Variants in SAP30BP observed in about 807,000 individuals in gnomAD.
SAP30BP encodes the protein SAP30 binding protein.
In SAP30BP, 31 loss-of-function variants were observed where a neutral mutation model predicts 46.3. That is an observed-to-expected ratio of 0.67 (90% CI 0.50 to 0.90). The LOEUF is 0.90. Among genes scored for constraint, SAP30BP ranks in the 40% least tolerant of loss-of-function variants. The probability of loss-of-function intolerance (pLI) is 0.00; values close to 1 mark genes in which losing one functional copy is unlikely to be tolerated. For synonymous variants in SAP30BP, 169 were observed against 144.2 expected (o/e 1.17, Z -1.23); for missense variants, 312 against 391.0 (o/e 0.80, Z 1.70).
At chr17:75,671,384 G>A (rs1398872470) in intron 2 of SAP30BP, among the ~76,000 whole-genome samples, 2 of 152,176 alleles carry the variant, frequency 1.3e-5, no homozygotes, top group Non-Finnish European at 2.9e-5. Flanking sequence ...CGAGTCTGAT[G>A]TACATGTGTA....
intron 4 of SAP30BP, among the ~76,000 whole-genome samples, chr17:75,696,920 G>A (rs2060329902): frequency 6.6e-6 from 1 of 151,952 alleles, no homozygotes; most frequent in Non-Finnish European, 1.5e-5. Context: ...TGGGACTACA[G>A]GCGCCCACCA....
chr17:75,681,331 C>G (rs1032157890), intron 3 of SAP30BP, among the ~76,000 whole-genome samples: 3 of 152,198 alleles, frequency 2.0e-5, no homozygotes, highest in African/African-American at 7.2e-5. Context: ...TTAGCCTCCT[C>G]TGGAGGCCCA....
Position 75,667,393 on chromosome 17 carries a change from T to G in SAP30BP, c.21T>G (p.Val7=). 2 of 1,614,168 alleles carry G rather than the reference T, an allele frequency of 1.2e-6. No homozygotes were observed. Among genetic ancestry groups the G allele is most frequent in the Non-Finnish European group, 1.7e-6 (2 of 1,180,020 alleles). MAGKKN[V]LSSLAVYAED... ...ATAAGATGGCGGGGAAGAAGAATGT[T>G]CTGTCGTCTCTCGCAGTTTACGCGG... The change falls in exon 1 of 11, where the codon GTT becomes GTG. Residue 7 remains valine (V), a synonymous_variant. Coordinates refer to ENST00000584667, the MANE Select transcript of SAP30BP (RefSeq NM_013260.8).
At chr17:75,704,695 G>T (rs2060468027) in intron 8 of SAP30BP, 61 bp from the exon 9 acceptor site, 2 of 1,236,112 alleles carry the variant, frequency 1.6e-6, no homozygotes, top group Non-Finnish European at 1.2e-6. Context: ...ATCAGAGTAG[G>T]CTCCCTCAGC....
intron 4 of SAP30BP, among the ~76,000 whole-genome samples, chr17:75,695,188 G>A (rs545096394): frequency 6.6e-6 from 1 of 152,348 alleles, no homozygotes; most frequent in African/African-American, 2.4e-5. Context: ...AGGGCTGGAT[G>A]AGTCTTTGTT....
chr17:75,692,639 C>T lies in SAP30BP; in HGVS notation c.265-801C>T, dbSNP rs1360441787. ...GATTTTGGTTTAGATGAAACATTTACTACAGAACAGTGAAATCCAGAAAAC... is the reference window on the plus strand; with the variant it reads ...GATTTTGGTTTAGATGAAACATTTATTACAGAACAGTGAAATCCAGAAAAC... On this transcript the variant is annotated intron_variant, in intron 3 of 10. Transcript: ENST00000584667. 1.3e-5 allele frequency: 5 copies of T among 371,530 alleles called. No homozygotes were observed. In the Admixed American group the frequency reaches 3.2e-4, roughly 24 times the overall value. The allele number at this position is 371,530 out of a possible 1,614,324, so 23.0% of individuals were successfully genotyped here.
At chr17:75,699,744 A>C (rs775089645) in intron 4 of SAP30BP, 39 bp from the exon 5 acceptor site, 2 of 1,428,840 alleles carry the variant, frequency 1.4e-6, no homozygotes, top group Non-Finnish European at 2.0e-6. Context: ...CCCTTGTTCT[A>C]ATCCCCACCT....
Position 75,706,848 on chromosome 17 carries a change from T to G in SAP30BP, c.*327T>G, listed in dbSNP as rs1364000813. 6.0e-6 allele frequency: 2 copies of G among 334,154 alleles called. No individual in the cohort carries two copies. Among genetic ancestry groups the G allele is most frequent in the East Asian group, 1.2e-4 (2 of 16,646 alleles). The allele number at this position is 334,154 out of a possible 1,614,324, so 20.7% of individuals were successfully genotyped here. ...CATGTCCCCCAAGACTCAATAGTCT[T>G]GGTTGGGACTATTGCCTCAGGGTTG... On this transcript the variant is annotated 3_prime_UTR_variant, in exon 11 of 11. Transcript: ENST00000584667. The surrounding 1 kb of genome is among the most constrained non-coding windows in gnomAD (Gnocchi z 4.6).
Position 75,706,252 on chromosome 17 carries a change from C to A in SAP30BP, c.746-88C>A. Reference sequence around the variant, plus strand: ...GGGGTGGGCCACTTCGGGGTCTGCTCCCTAGACTCCCGCTGGCCTGCAGGG... The same window carrying A: ...GGGGTGGGCCACTTCGGGGTCTGCTACCTAGACTCCCGCTGGCCTGCAGGG... On this transcript the variant is annotated intron_variant, in intron 10 of 10. Transcript: ENST00000584667. This position sits in a 1 kb window ranked among gnomAD's most constrained non-coding sequence, Gnocchi z 4.6. 1 of 1,548,662 alleles carries A rather than the reference C, an allele frequency of 6.5e-7. No individual in the cohort carries two copies. The highest frequency in any genetic ancestry group is 8.8e-7 in the Non-Finnish European group (1 of 1,139,772).
At chr17:75,677,362 C>T (rs2060007101) in intron 3 of SAP30BP, among the ~76,000 whole-genome samples, 1 of 151,526 alleles carries the variant, frequency 6.6e-6, no homozygotes, top group South Asian at 2.1e-4. Flanking sequence ...CTCAGCCTCC[C>T]AAAGTGCTGG....
intron 2 of SAP30BP, 105 bp from the exon 3 acceptor site, chr17:75,671,711 C>T: frequency 1.2e-6 from 1 of 836,568 alleles, no homozygotes; most frequent in Non-Finnish European, 2.1e-6. Context: ...GGTGGGATGA[C>T]CCCAGCTGGG....
intron 3 of SAP30BP, among the ~76,000 whole-genome samples, chr17:75,686,352 C>T (rs1276288803): frequency 6.6e-6 from 1 of 151,996 alleles, no homozygotes; most frequent in Admixed American, 6.6e-5. Flanking sequence ...CCCGTCTCTA[C>T]TAAAAATACA....
rs2060517958 is a variant in SAP30BP at position 75,707,630 on chromosome 17, T to A, written c.*1109T>A. The stretch of plus-strand genomic sequence containing the variant: ...GGGACCTGGGGAATATAAGGAACTC[T>A]GTGCATGAGGTTTCAAAAATAAAAA... On this transcript the variant is annotated 3_prime_UTR_variant, in exon 11 of 11. Coordinates refer to ENST00000584667, the MANE Select transcript of SAP30BP (RefSeq NM_013260.8). 1 of 152,634 alleles carries A rather than the reference T, an allele frequency of 6.6e-6. No homozygotes were observed. Among genetic ancestry groups the A allele is most frequent in the East Asian group, 1.9e-4 (1 of 5,190 alleles). 9.5% of individuals were successfully genotyped at this position (152,634 alleles called of 1,614,324 possible).
In SAP30BP at chr17:75,671,868, T is replaced by C; in HGVS notation, c.264+5T>C. On this transcript the variant is annotated splice_donor_5th_base_variant and intron_variant, in intron 3 of 10. Transcript: ENST00000584667. ...CCTGAGGCTGATGACCCAAAGGTAT[T>C]TGGTGTTGGCTGTGGTGGGTGGCTG... 1 of 1,612,772 alleles carries C rather than the reference T, an allele frequency of 6.2e-7. No individual in the cohort carries two copies.
intron 8 of SAP30BP, among the ~76,000 whole-genome samples, chr17:75,704,486 T>C (rs568358564): frequency 3.9e-5 from 6 of 152,354 alleles, no homozygotes; most frequent in African/African-American, 9.6e-5. Context: ...GTAGTCCCCA[T>C]TGGGCCTGTA....
chr17:75,705,180 G>T (rs1159589934), intron 9 of SAP30BP: 25 of 275,020 alleles, frequency 9.1e-5, no homozygotes, highest in South Asian at 5.9e-4. Flanking sequence ...GAGTGTCTTG[G>T]CCTCCAGAGC....
intron 3 of SAP30BP, chr17:75,672,107 A>G (rs2059916136): frequency 2.0e-6 from 1 of 500,722 alleles, no homozygotes; most frequent in African/African-American, 1.9e-5. Flanking sequence ...TAGAAAGGCG[A>G]GAGGCCTGGC....
chr17:75,698,371 T>A (rs1330044956), intron 4 of SAP30BP, among the ~76,000 whole-genome samples: 1 of 152,270 alleles, frequency 6.6e-6, no homozygotes, highest in Non-Finnish European at 1.5e-5. Flanking sequence ...GCCATTTTGT[T>A]TACTTTGGGA....
At chr17:75,687,916 G>GT (rs2060181457) in intron 3 of SAP30BP, among the ~76,000 whole-genome samples, 1 of 99,538 alleles carries the variant, frequency 1.0e-5, no homozygotes, top group African/African-American at 3.7e-5. Context: ...ACAGTGTTTG[G>GT]GGTGTGTGTG....
Sources: gnomAD v4.1 joint callset for allele counts (sites outside exome capture counted in the v4.1 genomes callset) on GRCh38, gnomAD v4.1.1 for gene constraint, Gnocchi (gnomAD v3.1) non-coding constraint, MANE v1.5 for transcripts, NCBI Gene and HGNC (gene_info 2026-07-23, HGNC 2026-07-21) for gene names.